The following SPON1 variants were observed in gnomAD, a reference collection of about 807,000 sequenced individuals.
SPON1 encodes the protein spondin-1.
Under a neutral mutation model 111.7 loss-of-function variants are expected in SPON1, and 52 were observed. The observed-to-expected ratio is 0.47, with a 90% CI of 0.37 to 0.59. The LOEUF is 0.59. Among genes scored for constraint, SPON1 ranks in the 20% least tolerant of loss-of-function variants. SPON1 has a pLI of 0.00. For synonymous variants in SPON1, 410 were observed against 395.8 expected, an observed-to-expected ratio of 1.04 and a Z score of -0.43; for missense variants, 957 against 1,068.5, an observed-to-expected ratio of 0.90 and a Z score of 1.46.
At chr11:14,148,298 T>C (rs1847746494) in intron 6 of SPON1, among the ~76,000 whole-genome samples, 1 of 152,210 alleles carries the variant, frequency 6.6e-6, no homozygotes, top group Non-Finnish European at 1.5e-5. Flanking sequence ...GATGTGTACT[T>C]ACGTCTCTTG....
chr11:14,045,931 A>G (rs1297474347), intron 3 of SPON1, among the ~76,000 whole-genome samples: 2 of 152,130 alleles, frequency 1.3e-5, no homozygotes, highest in African/African-American at 4.8e-5. Context: ...TAATTTTCCT[A>G]TGCCTAAGGC....
At chr11:13,966,630 C>T (rs1848018111) in intron 1 of SPON1, among the ~76,000 whole-genome samples, 1 of 152,182 alleles carries the variant, frequency 6.6e-6, no homozygotes, top group Non-Finnish European at 1.5e-5. Flanking sequence ...TTATCCTAAA[C>T]TGGGAGGTTT....
intron 2 of SPON1, among the ~76,000 whole-genome samples, chr11:14,006,296 G>T (rs377676641): frequency 1.4e-3 from 206 of 151,870 alleles, no homozygotes; most frequent in African/African-American, 4.4e-3. Context: ...TTGTTTTTTG[G>T]TTTTTTTTGG....
chr11:14,095,281 C>CT (rs11407221), intron 5 of SPON1, among the ~76,000 whole-genome samples: 2,249 of 152,068 alleles, frequency 0.015, 61 homozygotes, highest in African/African-American at 0.051. Flanking sequence ...AGCACCATGC[C>CT]TAGAAGAGTG....
chr11:14,043,955 A>G (rs901443280), intron 3 of SPON1, among the ~76,000 whole-genome samples: 1 of 152,192 alleles, frequency 6.6e-6, no homozygotes, highest in Non-Finnish European at 1.5e-5. Flanking sequence ...TTACAAGTCA[A>G]ATAAGGGAGA....
intron 3 of SPON1, among the ~76,000 whole-genome samples, chr11:14,073,259 G>C (rs1198132002): frequency 6.6e-6 from 1 of 152,180 alleles, no homozygotes; most frequent in Non-Finnish European, 1.5e-5. Context: ...TGGACAGTTT[G>C]TGGTTGTTTG....
At chr11:14,019,841 T>C (rs782774543) in intron 2 of SPON1, among the ~76,000 whole-genome samples, 3 of 152,150 alleles carry the variant, frequency 2.0e-5, no homozygotes, top group Non-Finnish European at 2.9e-5. Context: ...CCAACAGTGT[T>C]CTAAATAGGA....
chr11:14,164,716 G>A (rs1008318326), intron 6 of SPON1, among the ~76,000 whole-genome samples: 3 of 152,134 alleles, frequency 2.0e-5, no homozygotes, highest in Non-Finnish European at 4.4e-5. Flanking sequence ...GGAGACCGGA[G>A]TTTTATTATC....
At chr11:13,991,559 T>G (rs923463090) in intron 2 of SPON1, among the ~76,000 whole-genome samples, 17 of 152,216 alleles carry the variant, frequency 1.1e-4, no homozygotes, top group African/African-American at 3.9e-4. Flanking sequence ...ATTACCCGCC[T>G]TCTGAAGCCT....
rs369824152 is a variant in SPON1 at position 14,256,697 on chromosome 11, G to A, written c.1309+5G>A. ...CTCCAGAAGAGAAAGATGAAGGTACGTTGTTTTCTTTTGTTGCAGGTGGCA... is the reference window on the plus strand; with the variant it reads ...CTCCAGAAGAGAAAGATGAAGGTACATTGTTTTCTTTTGTTGCAGGTGGCA... On this transcript the variant is annotated splice_donor_5th_base_variant and intron_variant, in intron 10 of 15. Transcript: ENST00000576479. 9 of 1,611,118 alleles carry A rather than the reference G, an allele frequency of 5.6e-6. No homozygotes were observed. Among genetic ancestry groups the A allele is most frequent in the South Asian group, 1.1e-5 (1 of 90,510 alleles).
Position 13,966,990 on chromosome 11 carries a change from G to A in SPON1, c.238+3848G>A, listed in dbSNP as rs145405040. 7.5e-4 allele frequency among the ~76,000 whole-genome samples: 114 copies of A among 152,310 alleles called. 3 individuals carry two copies. In the East Asian group the frequency reaches 0.016, roughly 21 times the overall value. On this transcript the variant is annotated intron_variant, in intron 1 of 15. Coordinates refer to ENST00000576479, the MANE Select transcript of SPON1 (RefSeq NM_006108.4). ...AAAAATACTTAGCAGCAAAGCCCTG[G>A]ATAAGATATTGTGTTAAGTTCTTCC...
At chr11:14,090,098 C>A (rs1317925216) in intron 5 of SPON1, among the ~76,000 whole-genome samples, 2 of 151,692 alleles carry the variant, frequency 1.3e-5, no homozygotes, top group Non-Finnish European at 2.9e-5. Flanking sequence ...GGGAATGGGA[C>A]CGGCTGAGCA....
chr11:14,096,509 G>T (rs1339912169), intron 5 of SPON1, among the ~76,000 whole-genome samples: 1 of 152,178 alleles, frequency 6.6e-6, no homozygotes, highest in Non-Finnish European at 1.5e-5. Context: ...GATTTGGTCA[G>T]TGGGAAGCCA....
chr11:14,234,567 T>A (rs946592503), intron 6 of SPON1, among the ~76,000 whole-genome samples: 17 of 152,124 alleles, frequency 1.1e-4, no homozygotes, highest in Non-Finnish European at 7.4e-5. Flanking sequence ...ACAAGCTAAG[T>A]AAATGCCGAT....
At chr11:14,167,861 G>T (rs371450957) in intron 6 of SPON1, among the ~76,000 whole-genome samples, 1 of 152,198 alleles carries the variant, frequency 6.6e-6, no homozygotes, top group African/African-American at 2.4e-5. Flanking sequence ...TATACCCACA[G>T]AATTTTTTCA....
At chr11:13,979,170 C>T (rs1316942721) in intron 1 of SPON1, among the ~76,000 whole-genome samples, 9 of 152,170 alleles carry the variant, frequency 5.9e-5, no homozygotes, top group Non-Finnish European at 1.3e-4. Flanking sequence ...TGCCTCTCGC[C>T]TGGCTTCTGG....
At chr11:14,110,113 C>A (rs143733922) in intron 5 of SPON1, among the ~76,000 whole-genome samples, 3 of 152,316 alleles carry the variant, frequency 2.0e-5, no homozygotes, top group Non-Finnish European at 4.4e-5. Flanking sequence ...ATCCTACTGG[C>A]CATCCAGGGT....
chr11:14,265,929 T>TTG lies in SPON1; in HGVS notation c.*244_*245dup, dbSNP rs1364135498. 2.4e-6 allele frequency: 1 copy of TTG among 423,906 alleles called. No individual in the cohort carries two copies. Among genetic ancestry groups the TTG allele is most frequent in the Non-Finnish European group, 4.3e-6 (1 of 231,764 alleles). The allele number at this position is 423,906 out of a possible 1,614,324, so 26.3% of individuals were successfully genotyped here. A position where few individuals can be genotyped will look rare whatever the true frequency, so the allele number is the denominator to read the frequency against. ...CTGCAGAGGAGTAGTGTCAGCCACCTTGTACTAAGCTGAAACATGTCCCTC... is the reference window on the plus strand; with the variant it reads ...CTGCAGAGGAGTAGTGTCAGCCACCTTGTGTACTAAGCTGAAACATGTCCCTC... On this transcript the variant is annotated 3_prime_UTR_variant, in exon 16 of 16. Transcript: ENST00000576479.
At chr11:14,072,430 C>T (rs1362136844) in intron 3 of SPON1, among the ~76,000 whole-genome samples, 1 of 151,976 alleles carries the variant, frequency 6.6e-6, no homozygotes, top group Non-Finnish European at 1.5e-5. Flanking sequence ...ATAGGCTTTG[C>T]CATTGTCCCC....
Sources: gnomAD v4.1 joint callset for allele counts (sites outside exome capture counted in the v4.1 genomes callset) on GRCh38, gnomAD v4.1.1 for gene constraint, MANE v1.5 for transcripts, NCBI Gene and HGNC (gene_info 2026-07-23, HGNC 2026-07-21) for gene names.